Variants in BMP2K observed in about 807,000 individuals in gnomAD.
BMP2K encodes the protein BMP-2-inducible protein kinase.
In BMP2K, 74 loss-of-function variants were observed where a neutral mutation model predicts 116.0. That is an observed-to-expected ratio of 0.64 (90% CI 0.53 to 0.77). BMP2K has a LOEUF of 0.77. Ranked by LOEUF, BMP2K falls within the 30% of genes least tolerant of loss-of-function variation. The probability of loss-of-function intolerance (pLI) is 0.00; values close to 1 mark genes in which losing one functional copy is unlikely to be tolerated. For synonymous variants in BMP2K, 486 were observed against 502.5 expected (o/e 0.97, Z 0.44); for missense variants, 1,365 against 1,403.6 (o/e 0.97, Z 0.44).
At chr4:78,862,079 T>G (rs907776546) in intron 9 of BMP2K, among the ~76,000 whole-genome samples, 3 of 152,042 alleles carry the variant, frequency 2.0e-5, no homozygotes, top group Admixed American at 2.0e-4. Context: ...TATCTTAGAT[T>G]ATCAGACAGG....
At chr4:78,782,934 T>C (rs902956077) in intron 1 of BMP2K, among the ~76,000 whole-genome samples, 1 of 152,174 alleles carries the variant, frequency 6.6e-6, no homozygotes, top group African/African-American at 2.4e-5. Flanking sequence ...TTTCCTCTTC[T>C]GAAACAAGGA....
intron 15 of BMP2K, among the ~76,000 whole-genome samples, chr4:78,905,269 C>T (rs1260031251): frequency 6.6e-6 from 1 of 151,864 alleles, no homozygotes; most frequent in Non-Finnish European, 1.5e-5. Flanking sequence ...CAGTAATTAA[C>T]ATGCAACTTC....
At chr4:78,800,697 A>G (rs546822800) in intron 1 of BMP2K, among the ~76,000 whole-genome samples, 17 of 152,286 alleles carry the variant, frequency 1.1e-4, no homozygotes, top group African/African-American at 4.1e-4. Flanking sequence ...TAAAGCTTGG[A>G]GATAGAGCTC....
chr4:78,811,342 G>A (rs552899332), intron 1 of BMP2K, among the ~76,000 whole-genome samples: 2 of 152,156 alleles, frequency 1.3e-5, no homozygotes, highest in Non-Finnish European at 2.9e-5. Context: ...TGCGGCAGGT[G>A]TGTCTCTAAA....
chr4:78,826,166 G>T lies in BMP2K; in HGVS notation c.297+11G>T. 6 of 1,582,688 alleles carry T rather than the reference G, an allele frequency of 3.8e-6. No homozygotes were observed. Among genetic ancestry groups the T allele is most frequent in the Non-Finnish European group, 5.2e-6 (6 of 1,155,610 alleles). On this transcript the variant is annotated intron_variant, in intron 2 of 15. Transcript: ENST00000502613. ...GAAATTACAATTATGGTAAGTGAAG[G>T]AGTAGTTCTCTTTCAGAAATTTTGC...
chr4:78,901,223 T>C (rs1272372799), intron 15 of BMP2K, among the ~76,000 whole-genome samples: 1 of 149,630 alleles, frequency 6.7e-6, no homozygotes, highest in Non-Finnish European at 1.5e-5. Context: ...TTTTATTTTA[T>C]TTTATTATTT....
intron 15 of BMP2K, among the ~76,000 whole-genome samples, chr4:78,901,924 C>T (rs780419642): frequency 6.6e-6 from 1 of 152,264 alleles, no homozygotes; most frequent in Admixed American, 6.5e-5. Flanking sequence ...AGACCCACCT[C>T]GTGGGCTTTA....
chr4:78,785,839 T>C (rs1727700824), intron 1 of BMP2K, among the ~76,000 whole-genome samples: 2 of 152,244 alleles, frequency 1.3e-5, no homozygotes, highest in African/African-American at 4.8e-5. Flanking sequence ...TTTCAGACTC[T>C]TTCCTTGCCA....
chr4:78,893,530 C>G (rs1337589534), intron 15 of BMP2K, among the ~76,000 whole-genome samples: 1 of 152,196 alleles, frequency 6.6e-6, no homozygotes, highest in East Asian at 1.9e-4. Flanking sequence ...AATTCACTAT[C>G]TGTAACAGTT....
chr4:78,864,115 C>T (rs777710628), intron 9 of BMP2K, among the ~76,000 whole-genome samples: 7 of 152,072 alleles, frequency 4.6e-5, no homozygotes, highest in Non-Finnish European at 7.4e-5. Flanking sequence ...ACAAAGTATA[C>T]AGACTTTTAA....
chr4:78,797,847 G>A (rs761092801), intron 1 of BMP2K, among the ~76,000 whole-genome samples: 2 of 152,044 alleles, frequency 1.3e-5, no homozygotes, highest in African/African-American at 4.8e-5. Flanking sequence ...TAGAGATAGG[G>A]TCTTACTCTG....
At chr4:78,780,348 T>TG (rs1001950339) in intron 1 of BMP2K, among the ~76,000 whole-genome samples, 2 of 152,110 alleles carry the variant, frequency 1.3e-5, no homozygotes, top group Non-Finnish European at 2.9e-5. Context: ...AGATGGGTGT[T>TG]GGGGGTTATT....
intron 1 of BMP2K, among the ~76,000 whole-genome samples, chr4:78,782,577 G>C (rs1334495078): frequency 6.6e-6 from 1 of 152,162 alleles, no homozygotes; most frequent in African/African-American, 2.4e-5. Flanking sequence ...AGGACTCTGT[G>C]TTTTCTAGTT....
At chr4:78,824,415 A>G (rs968522312) in intron 1 of BMP2K, among the ~76,000 whole-genome samples, 1 of 152,190 alleles carries the variant, frequency 6.6e-6, no homozygotes, top group Non-Finnish European at 1.5e-5. Context: ...CAGAGTTACA[A>G]CTTACATGGT....
At chr4:78,853,133 A>G (rs1011729161) in intron 7 of BMP2K, among the ~76,000 whole-genome samples, 5 of 152,202 alleles carry the variant, frequency 3.3e-5, no homozygotes, top group African/African-American at 9.6e-5. Context: ...AACATAAAAT[A>G]AAGCATAAGA....
At chr4:78,782,316 G>T (rs1343188423) in intron 1 of BMP2K, among the ~76,000 whole-genome samples, 3 of 152,160 alleles carry the variant, frequency 2.0e-5, no homozygotes, top group Admixed American at 6.5e-5. Flanking sequence ...GTTAACTACT[G>T]TTCCTCTGTC....
At position 78,912,458 on chromosome 4, in the gene BMP2K, TA is replaced by T. The variant is rs2110112867; in HGVS notation, c.*427del. 6.4e-6 allele frequency: 1 copy of T among 157,346 alleles called. No individual in the cohort carries two copies. The highest frequency in any genetic ancestry group is 2.0e-4 in the South Asian group (1 of 5,088). 9.7% of individuals were successfully genotyped at this position (157,346 alleles called of 1,614,324 possible). ...ACTAGTTACACTTGTGAATTTTTTT[TA>T]AGGTCTCTTTTAATTTCCAGACAGT... is the stretch of plus-strand genomic sequence containing the variant. On this transcript the variant is annotated 3_prime_UTR_variant, in exon 16 of 16. Transcript: ENST00000502613.
At chr4:78,808,353 C>T (rs1281507728) in intron 1 of BMP2K, among the ~76,000 whole-genome samples, 1 of 151,046 alleles carries the variant, frequency 6.6e-6, no homozygotes, top group Non-Finnish European at 1.5e-5. Flanking sequence ...GCAAGCTTCA[C>T]CTCCTGGGTT....
chr4:78,865,666 G>A lies in BMP2K; in HGVS notation c.1177G>A (p.Ala393Thr), dbSNP rs1251231654. The A allele has an allele frequency of 6.2e-7, 1 of 1,614,074 alleles. No homozygotes were observed. Among genetic ancestry groups the A allele is most frequent in the Non-Finnish European group, 8.5e-7 (1 of 1,179,998 alleles). Residue 393 changes from alanine (A) to threonine (T), a missense_variant, in exon 10 of 16, where the codon GCA becomes ACA. By Grantham distance (58) the Ala-to-Thr change is moderately conservative (BLOSUM62 0). Transcript: ENST00000502613. ...TPSVLTIQSSATPVKVLAPGE... is the reference protein window; with the variant it reads ...TPSVLTIQSSTTPVKVLAPGE... ...CAGTGTGCTGACCATTCAAAGTTCA[G>A]CAACACCTGTTAAAGTCCTTGCTCC... is the stretch of plus-strand genomic sequence containing the variant.
Sources: allele counts gnomAD v4.1 joint callset (sites outside exome capture counted in the v4.1 genomes callset), GRCh38; gene constraint gnomAD v4.1.1; transcripts MANE v1.5; gene names NCBI Gene and HGNC (gene_info 2026-07-23, HGNC 2026-07-21).